The following ITGA1 variants were observed in gnomAD, a reference collection of about 807,000 sequenced individuals.
The protein encoded by ITGA1 is integrin subunit alpha 1.
In ITGA1, 85 loss-of-function variants were observed where a neutral mutation model predicts 145.9. That is an observed-to-expected ratio of 0.58 (90% CI 0.49 to 0.70). The LOEUF (loss-of-function observed/expected upper bound fraction) is 0.70. Among genes scored for constraint, ITGA1 ranks in the 30% least tolerant of loss-of-function variants. The probability of loss-of-function intolerance (pLI) is 0.00; values close to 1 mark genes in which losing one functional copy is unlikely to be tolerated. For missense variants in ITGA1, 1,351 were observed against 1,418.7 expected (o/e 0.95, Z 0.77); for synonymous variants, 520 against 495.3 (o/e 1.05, Z -0.66).
intron 1 of ITGA1, chr5:52,802,216 T>G (rs1748503631): frequency 6.0e-6 from 1 of 168,028 alleles, no homozygotes; most frequent in Non-Finnish European, 1.3e-5. Flanking sequence ...AAAAAGCTTT[T>G]GCTATCTTAT....
At chr5:52,824,489 A>T (rs546824595) in intron 1 of ITGA1, 1 of 152,072 alleles carries the variant, frequency 6.6e-6, no homozygotes, top group East Asian at 1.9e-4. Flanking sequence ...ATGGGGTTTC[A>T]CATGTTGCTC....
rs149705620 is a variant in ITGA1 at position 52,873,063 on chromosome 5, T to A, written c.624+7246T>A. On this transcript the variant is annotated intron_variant, in intron 6 of 28. Transcript: ENST00000282588. ...CTAGGGTTTTATGTTTCCTAGCACA[T>A]GACATGAGCCATTTATGTTGAAAAA... Among the ~76,000 whole-genome samples the A allele has an allele frequency of 4.6e-3, 706 of 152,324 alleles. 5 individuals carry two copies. The highest frequency in any genetic ancestry group is 7.2e-3 in the Non-Finnish European group (489 of 68,010).
intron 1 of ITGA1, among the ~76,000 whole-genome samples, chr5:52,838,292 TA>T (rs1749195431): frequency 6.6e-6 from 1 of 152,184 alleles, no homozygotes; most frequent in South Asian, 2.1e-4. Flanking sequence ...AAAAATAGTC[TA>T]TTACATACCA....
At chr5:52,830,026 TA>T (rs1292737822) in intron 1 of ITGA1, among the ~76,000 whole-genome samples, 1 of 152,178 alleles carries the variant, frequency 6.6e-6, no homozygotes, top group Non-Finnish European at 1.5e-5. Flanking sequence ...GTTAAATAAA[TA>T]TATGAATGAA....
At chr5:52,795,110 A>T (rs1171323870) in intron 1 of ITGA1, among the ~76,000 whole-genome samples, 1 of 151,974 alleles carries the variant, frequency 6.6e-6, no homozygotes, top group African/African-American at 2.4e-5. Context: ...TCAGTTACAG[A>T]CAAGTTAAAA....
In ITGA1 at chr5:52,814,607, CT is replaced by C. The variant is rs937853627; in HGVS notation, c.61+26201del. Among the ~76,000 whole-genome samples, 16 of 151,942 alleles carry C rather than the reference CT, an allele frequency of 1.1e-4. No homozygotes were observed. The South Asian group carries it at 2.3e-3, about 22-fold the overall frequency. On this transcript the variant is annotated intron_variant, in intron 1 of 28. Coordinates refer to ENST00000282588, the MANE Select transcript of ITGA1 (RefSeq NM_181501.2). ...CAAAATTATTTTTCCTTTTATCTGACTTTTTTTTCTGAATAAATTACCTTAA... is the reference window on the plus strand; with the variant it reads ...CAAAATTATTTTTCCTTTTATCTGACTTTTTTTCTGAATAAATTACCTTAA...
intron 1 of ITGA1, among the ~76,000 whole-genome samples, chr5:52,805,735 C>T (rs1315885395): frequency 6.6e-6 from 1 of 152,064 alleles, no homozygotes; most frequent in African/African-American, 2.4e-5. Context: ...CTAGCGGACC[C>T]CATGGCCTTG....
chr5:52,801,760 A>G, intron 1 of ITGA1: 1 of 1,614,124 alleles, frequency 6.2e-7, no homozygotes, highest in South Asian at 1.1e-5. Flanking sequence ...CAGCCAGTTG[A>G]CTGGGGTAGC....
At position 52,947,376 on chromosome 5, in the gene ITGA1, C is replaced by T. The variant is rs754207101; in HGVS notation, c.3410C>T (p.Pro1137Leu). The change falls in exon 28 of 29, where the codon CCG becomes CTG. Residue 1137 changes from proline to leucine, a missense_variant. Coordinates refer to ENST00000282588, the MANE Select transcript of ITGA1 (RefSeq NM_181501.2). ...ATTCAAATATCCAAAGATGGGCTAC[C>T]GGGCAGAGTGCCATTATGGGTCATC... The part of the protein sequence containing the change: ...LAIQISKDGL[P>L]GRVPLWVILL... The T allele has an allele frequency of 7.0e-5, 113 of 1,612,618 alleles. No homozygotes were observed. Among genetic ancestry groups the T allele is most frequent in the Non-Finnish European group, 9.2e-5 (108 of 1,178,978 alleles).
At chr5:52,881,731 C>T in intron 6 of ITGA1, 142 bp from the exon 7 acceptor site, 1 of 610,626 alleles carries the variant, frequency 1.6e-6, no homozygotes, top group Non-Finnish European at 2.7e-6. Context: ...ATGCTTATTA[C>T]TGTCAAAATA....
intron 6 of ITGA1, among the ~76,000 whole-genome samples, chr5:52,881,518 C>T (rs140409530): frequency 9.9e-5 from 15 of 152,270 alleles, no homozygotes; most frequent in African/African-American, 3.4e-4. Context: ...TGAATGATCA[C>T]GTGTTTAATC....
At chr5:52,844,620 T>C (rs6880532) in intron 1 of ITGA1, among the ~76,000 whole-genome samples, 85,573 of 152,034 alleles carry the variant, frequency 0.56, 25,863 homozygotes, top group African/African-American at 0.79. Flanking sequence ...AACACATGGT[T>C]AGTACACAAT....
chr5:52,936,638 C>T (rs1750968807), intron 23 of ITGA1, among the ~76,000 whole-genome samples: 2 of 152,160 alleles, frequency 1.3e-5, no homozygotes, highest in South Asian at 4.1e-4. Flanking sequence ...TTCAGTTGTA[C>T]CTTTTAAGCA....
At chr5:52,874,557 G>A (rs570399475) in intron 6 of ITGA1, among the ~76,000 whole-genome samples, 1 of 152,196 alleles carries the variant, frequency 6.6e-6, no homozygotes, top group South Asian at 2.1e-4. Context: ...CCTCCTTTCA[G>A]TGTTTTCTGA....
In ITGA1 at chr5:52,910,307, A is replaced by G. The variant is rs374431106; in HGVS notation, c.1745A>G (p.Asn582Ser). The G allele has an allele frequency of 8.1e-6, 13 of 1,613,940 alleles. No individual in the cohort carries two copies. The highest frequency in any genetic ancestry group is 5.0e-5 in the Admixed American group (3 of 59,996). Residue 582 changes from asparagine (N) to serine (S), a missense_variant, in exon 14 of 29, where the codon AAT (asparagine) becomes AGT (serine). Transcript: ENST00000282588. ...GCAATTGCTGCTGTAAAAGACCTCA[A>G]TCTTGATGGATTTAATGACATCGTG... ...GTAIAAVKDLNLDGFNDIVIG... is the reference protein window; with the variant it reads ...GTAIAAVKDLSLDGFNDIVIG...
chr5:52,829,704 G>A (rs954599281), intron 1 of ITGA1, among the ~76,000 whole-genome samples: 2 of 151,864 alleles, frequency 1.3e-5, no homozygotes, highest in African/African-American at 4.8e-5. Flanking sequence ...ACATTAAAAA[G>A]CATATTTTTA....
At chr5:52,837,954 C>T (rs1380287680) in intron 1 of ITGA1, among the ~76,000 whole-genome samples, 5 of 152,192 alleles carry the variant, frequency 3.3e-5, no homozygotes, top group African/African-American at 1.2e-4. Context: ...AATATTTCAA[C>T]ATTCCAAGCT....
intron 11 of ITGA1, among the ~76,000 whole-genome samples, chr5:52,901,555 T>C (rs1750314324): frequency 6.6e-6 from 1 of 152,220 alleles, no homozygotes; most frequent in Admixed American, 6.5e-5. Context: ...TATGATATTG[T>C]TGCCACTCTT....
intron 8 of ITGA1, among the ~76,000 whole-genome samples, 181 bp downstream of exon 8, chr5:52,888,146 C>T (rs1750084232): frequency 6.6e-6 from 1 of 151,556 alleles, no homozygotes; most frequent in Non-Finnish European, 1.5e-5. Context: ...GTACCCAGCA[C>T]AATGCCAGGC....
Sources: gnomAD v4.1 joint callset for allele counts (sites outside exome capture counted in the v4.1 genomes callset) on GRCh38, gnomAD v4.1.1 for gene constraint, MANE v1.5 for transcripts, NCBI Gene and HGNC (gene_info 2026-07-23, HGNC 2026-07-21) for gene names.